The following KCNH7 variants were observed in gnomAD, a reference collection of about 807,000 sequenced individuals.
KCNH7 encodes potassium voltage-gated channel subfamily H member 7, also known as voltage-gated inwardly rectifying potassium channel KCNH7.
KCNH7 carries 49 observed loss-of-function variants against 120.8 expected under a neutral mutation model. The observed-to-expected ratio is 0.41, with a 90% CI of 0.32 to 0.51. The LOEUF (loss-of-function observed/expected upper bound fraction) is 0.51. KCNH7 is among the 20% of genes least tolerant of loss of function. KCNH7 has a pLI of 0.38. For missense variants in KCNH7, 1,097 were observed against 1,446.6 expected (o/e 0.76, Z 3.92); for synonymous variants, 547 against 516.1 (o/e 1.06, Z -0.81).
intron 2 of KCNH7, among the ~76,000 whole-genome samples, chr2:162,820,207 T>TC (rs1685064770): frequency 4.1e-5 from 1 of 24,514 alleles, no homozygotes; most frequent in African/African-American, 1.1e-4. Flanking sequence ...GCCCGGCTAA[T>TC]TTTGTGTGTG....
intron 6 of KCNH7, among the ~76,000 whole-genome samples, chr2:162,452,089 A>G (rs1252169566): frequency 6.6e-6 from 1 of 152,104 alleles, no homozygotes; most frequent in African/African-American, 2.4e-5. Flanking sequence ...TTTTCAGAGT[A>G]CAGAGTGAAA....
intron 2 of KCNH7, among the ~76,000 whole-genome samples, chr2:162,695,894 C>G (rs985183521): frequency 6.6e-6 from 1 of 152,108 alleles, no homozygotes; most frequent in Admixed American, 6.6e-5. Context: ...AAGCAAACCA[C>G]CTTATATTTT....
chr2:162,734,442 G>A (rs1326134977), intron 2 of KCNH7, among the ~76,000 whole-genome samples: 1 of 152,102 alleles, frequency 6.6e-6, no homozygotes, highest in African/African-American at 2.4e-5. Flanking sequence ...GTCTTCATCT[G>A]CAAGCACTAA....
At chr2:162,637,821 C>T (rs1171913204) in intron 2 of KCNH7, among the ~76,000 whole-genome samples, 1 of 152,012 alleles carries the variant, frequency 6.6e-6, no homozygotes. Flanking sequence ...CAGATCCAGA[C>T]ATTAACATGC....
chr2:162,439,724 C>G (rs1286586516), intron 7 of KCNH7, among the ~76,000 whole-genome samples: 2 of 151,920 alleles, frequency 1.3e-5, no homozygotes, highest in African/African-American at 4.8e-5. Flanking sequence ...ACTTTAAAAA[C>G]ACATCCACAT....
chr2:162,608,428 T>G (rs1682852837), intron 2 of KCNH7, among the ~76,000 whole-genome samples: 1 of 152,232 alleles, frequency 6.6e-6, no homozygotes, highest in African/African-American at 2.4e-5. Context: ...GGCGCAGTTC[T>G]GTACTCAGAA....
rs183349310 is a variant in KCNH7 at position 162,538,524 on chromosome 2, C to T, written c.308-1444G>A. Reference sequence around the variant, plus strand: ...ACCCCTGGAGGCTGGAGACAGGGGCCGGGCAAACAGCTGAAGGATCTTTTT... The same window carrying T: ...ACCCCTGGAGGCTGGAGACAGGGGCTGGGCAAACAGCTGAAGGATCTTTTT... On this transcript the variant is annotated intron_variant, in intron 2 of 15. Coordinates refer to ENST00000332142, the MANE Select transcript of KCNH7 (RefSeq NM_033272.4). Among the ~76,000 whole-genome samples the T allele has an allele frequency of 3.7e-4, 56 of 152,066 alleles. 1 individual carries two copies. Among genetic ancestry groups the T allele is most frequent in the African/African-American group, 1.2e-3 (48 of 41,522 alleles).
chr2:162,773,926 T>C (rs1343541150), intron 2 of KCNH7, among the ~76,000 whole-genome samples: 1 of 152,214 alleles, frequency 6.6e-6, no homozygotes, highest in East Asian at 1.9e-4. Flanking sequence ...TTTCACCAAT[T>C]GTGACAATTT....
At chr2:162,488,335 A>AT (rs1330436667) in intron 6 of KCNH7, among the ~76,000 whole-genome samples, 2 of 152,006 alleles carry the variant, frequency 1.3e-5, no homozygotes, top group South Asian at 2.1e-4. Context: ...AGGATATGAT[A>AT]TTTTTTTTCT....
At chr2:162,706,705 C>T (rs1686714484) in intron 2 of KCNH7, among the ~76,000 whole-genome samples, 1 of 151,956 alleles carries the variant, frequency 6.6e-6, no homozygotes, top group Non-Finnish European at 1.5e-5. Context: ...CCTCTAATTG[C>T]CTTCACCCAC....
intron 2 of KCNH7, among the ~76,000 whole-genome samples, chr2:162,691,661 C>T (rs1361903533): frequency 1.3e-5 from 2 of 151,950 alleles, no homozygotes; most frequent in East Asian, 3.9e-4. Context: ...TTATATTTTC[C>T]ACATGTATAT....
At chr2:162,570,994 G>T (rs1477514003) in intron 2 of KCNH7, among the ~76,000 whole-genome samples, 28 of 152,034 alleles carry the variant, frequency 1.8e-4, no homozygotes, top group Non-Finnish European at 1.8e-4. Flanking sequence ...ACAAGACAGG[G>T]ATGCCCTCTC....
At chr2:162,541,808 A>G (rs1692311763) in intron 2 of KCNH7, among the ~76,000 whole-genome samples, 1 of 152,148 alleles carries the variant, frequency 6.6e-6, no homozygotes, top group Non-Finnish European at 1.5e-5. Context: ...TACCTGTGTA[A>G]CAAACCTGCA....
At position 162,810,615 on chromosome 2, in the gene KCNH7, T is replaced by G. The variant is rs530705957; in HGVS notation, c.307+25922A>C. On this transcript the variant is annotated intron_variant, in intron 2 of 15. Transcript: ENST00000332142. ...TCTGCTCTCAGTCCGCATTACCTTA[T>G]GCCATCTAACTGATGTTAGATAATT... Among the ~76,000 whole-genome samples, 35 of 152,330 alleles carry G rather than the reference T, an allele frequency of 2.3e-4. No individual in the cohort carries two copies. In the South Asian group the frequency reaches 5.6e-3, roughly 24 times the overall value.
chr2:162,656,330 A>T (rs1684759998), intron 2 of KCNH7, among the ~76,000 whole-genome samples: 1 of 152,204 alleles, frequency 6.6e-6, no homozygotes, highest in African/African-American at 2.4e-5. Flanking sequence ...TAAAGACCAT[A>T]AAATAGTGGT....
At chr2:162,655,591 C>T (rs551185148) in intron 2 of KCNH7, among the ~76,000 whole-genome samples, 13 of 151,808 alleles carry the variant, frequency 8.6e-5, no homozygotes, top group African/African-American at 3.1e-4. Flanking sequence ...TCGAGACCAT[C>T]CTGGCCAACA....
At chr2:162,773,537 T>C (rs921029342) in intron 2 of KCNH7, among the ~76,000 whole-genome samples, 2 of 152,100 alleles carry the variant, frequency 1.3e-5, no homozygotes, top group Non-Finnish European at 2.9e-5. Flanking sequence ...GAAATAAATG[T>C]GTCAGCAAAT....
intron 8 of KCNH7, among the ~76,000 whole-genome samples, chr2:162,427,733 T>A (rs1294001565): frequency 6.6e-6 from 1 of 151,922 alleles, no homozygotes; most frequent in Admixed American, 6.6e-5. Flanking sequence ...TCTTTTATGA[T>A]TCAGAGTTAA....
At chr2:162,690,552 T>C (rs1282344277) in intron 2 of KCNH7, among the ~76,000 whole-genome samples, 1 of 152,184 alleles carries the variant, frequency 6.6e-6, no homozygotes, top group Non-Finnish European at 1.5e-5. Context: ...AACATCTCAA[T>C]ATGCCTTTTA....
Sources: gnomAD v4.1 joint callset for allele counts (sites outside exome capture counted in the v4.1 genomes callset) on GRCh38, gnomAD v4.1.1 for gene constraint, MANE v1.5 for transcripts, NCBI Gene and HGNC (gene_info 2026-07-23, HGNC 2026-07-21) for gene names.